NNMT: variants seen among roughly 807,000 people sequenced by gnomAD.
NNMT encodes nicotinamide N-methyltransferase.
A neutral mutation model predicts 11.7 loss-of-function variants in NNMT; 10 were observed. That is an observed-to-expected ratio of 0.85 (90% CI 0.53 to 1.45). The LOEUF is 1.45. NNMT is among the 40% of genes most tolerant of loss of function. The pLI is 0.00. For missense variants in NNMT, 381 were observed against 319.4 expected, an observed-to-expected ratio of 1.19 and a Z score of -1.47; for synonymous variants, 143 against 133.8, an observed-to-expected ratio of 1.07 and a Z score of -0.48.
upstream of NNMT, among the ~76,000 whole-genome samples, chr11:114,291,942 G>T (rs1386237860): frequency 1.3e-5 from 2 of 152,118 alleles, no homozygotes; most frequent in East Asian, 3.9e-4. Flanking sequence ...TTTATCATCA[G>T]TTCTGGAAAA....
intron 1 of NNMT, chr11:114,297,231 C>G (rs1257823982): frequency 6.5e-6 from 1 of 153,016 alleles, no homozygotes; most frequent in East Asian, 1.9e-4. Flanking sequence ...AGTCTGTACA[C>G]CAGATGTAGA....
intron 2 of NNMT, among the ~76,000 whole-genome samples, chr11:114,301,031 A>C (rs1212762213): frequency 2.0e-5 from 3 of 152,236 alleles, no homozygotes; most frequent in African/African-American, 7.2e-5. Context: ...GTGATATTAA[A>C]TTAAAAGGAC....
chr11:114,275,577 T>C (rs1945207707), intron 2 of NNMT, among the ~76,000 whole-genome samples: 1 of 152,178 alleles, frequency 6.6e-6, no homozygotes, highest in African/African-American at 2.4e-5. Context: ...CTCAGTGTCT[T>C]CATCTGTAAA....
intron 2 of NNMT, among the ~76,000 whole-genome samples, chr11:114,282,541 C>T (rs1294691080): frequency 6.6e-6 from 1 of 152,214 alleles, no homozygotes; most frequent in Non-Finnish European, 1.5e-5. Context: ...ATTTGCATGT[C>T]CTTTTTTCAG....
intron 2 of NNMT, among the ~76,000 whole-genome samples, chr11:114,305,910 T>C (rs1945487910): frequency 6.6e-6 from 1 of 152,176 alleles, no homozygotes; most frequent in Non-Finnish European, 1.5e-5. Context: ...TCTAGATCCC[T>C]GAGGAATCAC....
Position 114,281,724 on chromosome 11 carries a change from A to T in NNMT, c.-129-14704A>T, listed in dbSNP as rs182074480. 9.3e-4 allele frequency among the ~76,000 whole-genome samples: 141 copies of T among 152,302 alleles called. 1 individual carries two copies. The highest frequency in any genetic ancestry group is 3.3e-3 in the African/African-American group (137 of 41,564). ...TCTTGTCTCCCTCTTCAGCCAGTTGAAAGGGCTTCTTGAACAGGTTTGCAC... is the reference window on the plus strand; with the variant it reads ...TCTTGTCTCCCTCTTCAGCCAGTTGTAAGGGCTTCTTGAACAGGTTTGCAC... On this transcript the variant is annotated intron_variant, in intron 2 of 4. Coordinates refer to the NNMT transcript ENST00000535401.
intron 2 of NNMT, among the ~76,000 whole-genome samples, chr11:114,288,859 C>T (rs1458728285): frequency 1.3e-5 from 2 of 152,146 alleles, no homozygotes; most frequent in Non-Finnish European, 2.9e-5. Context: ...GATTTTTATA[C>T]TCATGCTCAT....
At chr11:114,270,055 C>T (rs1170459584) in intron 2 of NNMT, among the ~76,000 whole-genome samples, 10 of 151,668 alleles carry the variant, frequency 6.6e-5, no homozygotes, top group Admixed American at 2.0e-4. Flanking sequence ...TTAAAATTTC[C>T]GGGTGGTAGA....
chr11:114,287,244 T>C (rs1945306355), intron 2 of NNMT, among the ~76,000 whole-genome samples: 1 of 152,224 alleles, frequency 6.6e-6, no homozygotes, highest in East Asian at 1.9e-4. Context: ...TTCTTAATTG[T>C]AATATACTAG....
At chr11:114,260,481 A>G (rs1945069568) in intron 1 of NNMT, among the ~76,000 whole-genome samples, 1 of 152,244 alleles carries the variant, frequency 6.6e-6, no homozygotes, top group Non-Finnish European at 1.5e-5. Flanking sequence ...GGTCTAAGTC[A>G]GACCTTCGAT....
At chr11:114,259,778 T>A (rs1279182291) in intron 1 of NNMT, among the ~76,000 whole-genome samples, 1 of 152,208 alleles carries the variant, frequency 6.6e-6, no homozygotes, top group Non-Finnish European at 1.5e-5. Context: ...CTAAACTGAT[T>A]GCTGTACACT....
intron 2 of NNMT, among the ~76,000 whole-genome samples, chr11:114,287,776 A>G (rs755067833): frequency 6.6e-6 from 1 of 152,184 alleles, no homozygotes; most frequent in South Asian, 2.1e-4. Context: ...TCACCAAAAA[A>G]CTATTGGGAT....
chr11:114,308,186 G>C (rs980671127), intron 2 of NNMT, among the ~76,000 whole-genome samples: 1 of 152,120 alleles, frequency 6.6e-6, no homozygotes, highest in Non-Finnish European at 1.5e-5. Flanking sequence ...ATTCGGGTGT[G>C]GGGTGTGGTC....
intron 1 of NNMT, 94 bp from the exon 2 acceptor site, chr11:114,297,857 G>T (rs1166042126): frequency 9.5e-7 from 1 of 1,053,252 alleles, no homozygotes; most frequent in African/African-American, 1.6e-5. Flanking sequence ...TTTGAGGATC[G>T]CCAGCACAGT....
Position 114,312,373 on chromosome 11 carries a change from A to G in NNMT, c.691A>G (p.Thr231Ala). ...VEAAVKEAGY[T>A]IEWFEVISQS... ...GGCTGCTGTGAAAGAGGCTGGCTAC[A>G]CAATCGAATGGTTTGAGGTGATCTC... is the stretch of plus-strand genomic sequence containing the variant. Residue 231 changes from threonine to alanine, a missense_variant, in exon 3 of 3, where the codon ACA becomes GCA. Transcript: ENST00000299964. The G allele has an allele frequency of 6.2e-7, 1 of 1,614,232 alleles. No homozygotes were observed. Among genetic ancestry groups the G allele is most frequent in the Admixed American group, 1.7e-5 (1 of 60,028 alleles).
intron 2 of NNMT, among the ~76,000 whole-genome samples, chr11:114,310,778 G>T (rs1375171713): frequency 1.3e-5 from 2 of 152,224 alleles, no homozygotes; most frequent in Non-Finnish European, 2.9e-5. Context: ...GTGCTCTGGG[G>T]CCTGGGCCCT....
At chr11:114,310,921 T>C (rs1423454802) in intron 2 of NNMT, among the ~76,000 whole-genome samples, 1 of 152,246 alleles carries the variant, frequency 6.6e-6, no homozygotes, top group Admixed American at 6.5e-5. Context: ...TGTTTGTTTG[T>C]TCCTTTCTTC....
At chr11:114,281,420 T>C (rs1299496515) in intron 2 of NNMT, among the ~76,000 whole-genome samples, 3 of 152,034 alleles carry the variant, frequency 2.0e-5, no homozygotes, top group Non-Finnish European at 4.4e-5. Context: ...CTGGGGAGTA[T>C]AGAGGAGGTC....
intron 2 of NNMT, among the ~76,000 whole-genome samples, chr11:114,280,267 C>T (rs1425286909): frequency 6.6e-6 from 1 of 151,974 alleles, no homozygotes; most frequent in African/African-American, 2.4e-5. Context: ...GTGGAGAGTA[C>T]CTGGGGCAGA....
Sources: gnomAD v4.1 joint callset for allele counts (sites outside exome capture counted in the v4.1 genomes callset) on GRCh38, gnomAD v4.1.1 for gene constraint, MANE v1.5 for transcripts, NCBI Gene and HGNC (gene_info 2026-07-23, HGNC 2026-07-21) for gene names.